Variants in DTNA observed in about 807,000 individuals in gnomAD.
The protein encoded by DTNA is dystrophin-related protein 3.
In DTNA, 43 loss-of-function variants were observed where a neutral mutation model predicts 100.7. The observed-to-expected ratio is 0.43, with a 90% CI of 0.33 to 0.55. The LOEUF is 0.55. DTNA is among the 20% of genes least tolerant of loss of function. The probability of loss-of-function intolerance (pLI) is 0.04; values close to 1 mark genes in which losing one functional copy is unlikely to be tolerated. For missense variants in DTNA, 798 were observed against 953.9 expected (o/e 0.84, Z 2.15); for synonymous variants, 349 against 347.9 (o/e 1.00, Z -0.04).
intron 3 of DTNA, among the ~76,000 whole-genome samples, chr18:34,784,891 C>T (rs748942063): frequency 2.0e-5 from 3 of 151,702 alleles, no homozygotes; most frequent in African/African-American, 4.8e-5. Flanking sequence ...TTACAGCCTG[C>T]ATGTATGATT....
intron 1 of DTNA, among the ~76,000 whole-genome samples, chr18:34,721,334 A>G (rs2085269733): frequency 6.6e-6 from 1 of 152,194 alleles, no homozygotes; most frequent in Non-Finnish European, 1.5e-5. Flanking sequence ...CATACTTTCA[A>G]GGTAGTTTAT....
intron 1 of DTNA, among the ~76,000 whole-genome samples, chr18:34,741,089 C>T (rs59827193): frequency 0.11 from 17,210 of 152,108 alleles, 1,027 homozygotes; most frequent in African/African-American, 0.16. Flanking sequence ...TCTACATAAT[C>T]GTATTGTATA....
chr18:34,510,693 G>A (rs1436045879), intron 1 of DTNA, among the ~76,000 whole-genome samples: 1 of 150,166 alleles, frequency 6.7e-6, no homozygotes. Flanking sequence ...GAATCATCTG[G>A]GGGGTTTGTT....
chr18:34,811,341 G>A (rs147889239), intron 5 of DTNA, among the ~76,000 whole-genome samples: 298 of 152,202 alleles, frequency 2.0e-3, no homozygotes, highest in Middle Eastern at 3.4e-3. Flanking sequence ...TTCACTACAC[G>A]AGTCAGAAAA....
At chr18:34,510,234 A>G (rs1320897117) in intron 1 of DTNA, among the ~76,000 whole-genome samples, 3 of 151,730 alleles carry the variant, frequency 2.0e-5, no homozygotes, top group African/African-American at 7.3e-5. Flanking sequence ...ATCTATGCCA[A>G]TTAGATTTTT....
intron 1 of DTNA, among the ~76,000 whole-genome samples, chr18:34,555,755 C>T (rs2045963935): frequency 6.6e-6 from 1 of 152,018 alleles, no homozygotes; most frequent in Non-Finnish European, 1.5e-5. Context: ...TTGTTATTAT[C>T]TCTGTTCTTT....
At chr18:34,786,286 A>G (rs1391730680) in intron 3 of DTNA, among the ~76,000 whole-genome samples, 2 of 152,216 alleles carry the variant, frequency 1.3e-5, no homozygotes, top group Admixed American at 1.3e-4. Flanking sequence ...AGAATCTGCT[A>G]TATGAAAGAA....
intron 14 of DTNA, among the ~76,000 whole-genome samples, chr18:34,848,683 G>T (rs1349405709): frequency 6.6e-6 from 1 of 152,074 alleles, no homozygotes; most frequent in Non-Finnish European, 1.5e-5. Context: ...GGCAAGGACT[G>T]GTTGTGATTC....
chr18:34,842,944 C>T (rs1318813088), intron 13 of DTNA, among the ~76,000 whole-genome samples: 1 of 152,066 alleles, frequency 6.6e-6, no homozygotes, highest in African/African-American at 2.4e-5. Flanking sequence ...ACTGTATCTT[C>T]AGTGGGGCAG....
At chr18:34,785,201 C>T (rs1385487187) in intron 3 of DTNA, among the ~76,000 whole-genome samples, 1 of 152,114 alleles carries the variant, frequency 6.6e-6, no homozygotes, top group African/African-American at 2.4e-5. Context: ...GCGTGAGCCA[C>T]CACACCGGCC....
At position 34,766,042 on chromosome 18, in the gene DTNA, G is replaced by GT; in HGVS notation, c.148+2dup. 6.2e-7 allele frequency: 1 copy of GT among 1,613,624 alleles called. No individual in the cohort carries two copies. The highest frequency in any genetic ancestry group is 8.5e-7 in the Non-Finnish European group (1 of 1,179,652). ...AGGTTTGTTCAGAAGAAATGCAATT[G>GT]TAAGTATGCCAGTTGTTTGGACTAA... On this transcript the variant is annotated splice_donor_variant, in intron 3 of 22. Transcript: ENST00000444659. LOFTEE classifies it high-confidence loss of function.
rs1319632445 is a variant in DTNA at position 34,506,518 on chromosome 18, A to G, written c.-2+13004A>G. 7.9e-5 allele frequency among the ~76,000 whole-genome samples: 12 copies of G among 152,148 alleles called. 1 individual carries two copies. Among genetic ancestry groups the G allele is most frequent in the Non-Finnish European group, 2.9e-5 (2 of 68,018 alleles). On this transcript the variant is annotated intron_variant, in intron 1 of 19. Coordinates refer to the DTNA transcript ENST00000283365. ...CTTGTGTTGGCATAGGTGTGGTGGAACCACAATTATTTCTTTCTTCTGTGG... is the reference window on the plus strand; with the variant it reads ...CTTGTGTTGGCATAGGTGTGGTGGAGCCACAATTATTTCTTTCTTCTGTGG...
In DTNA at chr18:34,891,070, C is replaced by A. The variant is rs1248932945; in HGVS notation, c.*3336C>A. 3 of 152,054 alleles carry A rather than the reference C, an allele frequency of 2.0e-5. No individual in the cohort carries two copies. Among genetic ancestry groups the A allele is most frequent in the African/African-American group, 4.8e-5 (2 of 41,262 alleles). 9.4% of individuals were successfully genotyped at this position (152,054 alleles called of 1,614,324 possible). ...AAGAAAGGGCATTTTTACTTTTGAA[C>A]CAAAAAGAGAAAAAAAAATCAGAAG... On this transcript the variant is annotated 3_prime_UTR_variant, in exon 23 of 23. Coordinates refer to ENST00000444659, the MANE Select transcript of DTNA (RefSeq NM_001386795.1).
intron 3 of DTNA, among the ~76,000 whole-genome samples, chr18:34,774,029 G>A (rs1279496430): frequency 6.6e-6 from 1 of 152,214 alleles, no homozygotes; most frequent in African/African-American, 2.4e-5. Flanking sequence ...AACACACAGT[G>A]ACTTCCTTCC....
At chr18:34,688,242 G>T (rs1259331492) in intron 1 of DTNA, among the ~76,000 whole-genome samples, 1 of 152,132 alleles carries the variant, frequency 6.6e-6, no homozygotes, top group Non-Finnish European at 1.5e-5. Context: ...AGTGTGGATG[G>T]TCTTTACAAT....
At chr18:34,863,470 C>A (rs1254449697) in intron 16 of DTNA, among the ~76,000 whole-genome samples, 1 of 152,172 alleles carries the variant, frequency 6.6e-6, no homozygotes, top group Non-Finnish European at 1.5e-5. Flanking sequence ...AATATCTCAC[C>A]TCTGAGAGAC....
chr18:34,704,238 A>G (rs12955998), intron 1 of DTNA, among the ~76,000 whole-genome samples: 17,484 of 152,246 alleles, frequency 0.11, 1,515 homozygotes, highest in African/African-American at 0.24. Context: ...CACTGACTAC[A>G]TAATTACTTG....
chr18:34,752,141 CA>C (rs1318227135), intron 1 of DTNA, among the ~76,000 whole-genome samples: 14 of 152,098 alleles, frequency 9.2e-5, no homozygotes, highest in African/African-American at 3.4e-4. Flanking sequence ...AAAAACTGAC[CA>C]AATTGGGCTC....
intron 1 of DTNA, among the ~76,000 whole-genome samples, chr18:34,605,235 T>C (rs2052780636): frequency 6.6e-6 from 1 of 152,060 alleles, no homozygotes. Flanking sequence ...TTGGAGGTGG[T>C]CTTTGAGGGT....
Sources: gnomAD v4.1 joint callset for allele counts (sites outside exome capture counted in the v4.1 genomes callset) on GRCh38, gnomAD v4.1.1 for gene constraint, MANE v1.5 for transcripts, NCBI Gene and HGNC (gene_info 2026-07-23, HGNC 2026-07-21) for gene names.